NRXN3: variants seen among roughly 807,000 people sequenced by gnomAD.
NRXN3 encodes neurexin 3, also known as neurexin III.
Under a neutral mutation model 137.6 loss-of-function variants are expected in NRXN3, and 32 were observed. That is an observed-to-expected ratio of 0.23 (90% CI 0.18 to 0.31). The LOEUF (loss-of-function observed/expected upper bound fraction) is 0.31. Ranked by LOEUF, NRXN3 falls within the 10% of genes least tolerant of loss-of-function variation. The pLI, the probability that NRXN3 is intolerant of heterozygous loss-of-function variation, is 1.00. For synonymous variants in NRXN3, 798 were observed against 784.5 expected, an observed-to-expected ratio of 1.02 and a Z score of -0.29; for missense variants, 1,574 against 2,062.5, an observed-to-expected ratio of 0.76 and a Z score of 4.59.
rs535251902 is a variant in NRXN3 at position 79,314,749 on chromosome 14, C to G, written c.3263-152472C>G. Among the ~76,000 whole-genome samples the G allele has an allele frequency of 2.1e-4, 31 of 147,198 alleles. No homozygotes were observed. In the East Asian group the frequency reaches 6.2e-3, roughly 29 times the overall value. On this transcript the variant is annotated intron_variant, in intron 15 of 20. Transcript: ENST00000335750. ...GGGCAGACTGCCTCCTCAAGTGGGT[C>G]CCTGACCCCTGACCCCCAAGCAGCC...
intron 10 of NRXN3, among the ~76,000 whole-genome samples, chr14:78,925,310 G>A (rs154429): frequency 0.012 from 1,840 of 152,288 alleles, 41 homozygotes; most frequent in African/African-American, 0.042. Context: ...TGCCCTAGGT[G>A]CAGTGGGCCA....
chr14:78,625,119 C>G (rs561926695), intron 4 of NRXN3, among the ~76,000 whole-genome samples: 2 of 152,184 alleles, frequency 1.3e-5, no homozygotes, highest in Non-Finnish European at 2.9e-5. Context: ...GGATTACAGG[C>G]GTGAGCCACC....
At chr14:79,011,470 A>G (rs1479760949) in intron 15 of NRXN3, among the ~76,000 whole-genome samples, 1 of 150,312 alleles carries the variant, frequency 6.7e-6, no homozygotes, top group Non-Finnish European at 1.5e-5. Flanking sequence ...GATTAAGAGG[A>G]CTATGTCAGT....
At chr14:79,807,916 A>G (rs1007576155) in intron 20 of NRXN3, among the ~76,000 whole-genome samples, 2 of 152,206 alleles carry the variant, frequency 1.3e-5, no homozygotes, top group Admixed American at 6.5e-5. Flanking sequence ...AGATATTCCT[A>G]GTAATGCAGA....
intron 8 of NRXN3, among the ~76,000 whole-genome samples, chr14:78,802,417 A>T (rs1036229639): frequency 6.6e-6 from 1 of 152,172 alleles, no homozygotes; most frequent in Admixed American, 6.5e-5. Context: ...TAGCATTAGG[A>T]GATATACCTA....
At chr14:78,476,422 T>A (rs2095378810) in intron 4 of NRXN3, among the ~76,000 whole-genome samples, 1 of 152,020 alleles carries the variant, frequency 6.6e-6, no homozygotes. Flanking sequence ...ACAGGCCAAG[T>A]GGGGAGGGCA....
At chr14:79,167,316 C>T (rs1223557079) in intron 15 of NRXN3, among the ~76,000 whole-genome samples, 1 of 152,038 alleles carries the variant, frequency 6.6e-6, no homozygotes, top group African/African-American at 2.4e-5. Context: ...TGGATGGTTT[C>T]TTTTCTGATT....
chr14:79,465,986 G>T (rs561796505), intron 15 of NRXN3, among the ~76,000 whole-genome samples: 1 of 152,282 alleles, frequency 6.6e-6, no homozygotes, highest in East Asian at 1.9e-4. Context: ...TATAATTTCT[G>T]AATTACAAAT....
intron 10 of NRXN3, among the ~76,000 whole-genome samples, chr14:78,879,583 G>C (rs2099122708): frequency 6.6e-6 from 1 of 152,070 alleles, no homozygotes; most frequent in South Asian, 2.1e-4. Context: ...TTGTTTACTT[G>C]CTATGAAGTT....
chr14:78,453,383 A>G (rs1598860065), intron 4 of NRXN3, among the ~76,000 whole-genome samples: 5 of 152,316 alleles, frequency 3.3e-5, no homozygotes, highest in Admixed American at 3.3e-4. Context: ...GAAAGGGTGG[A>G]TGATATATGC....
intron 1 of NRXN3, among the ~76,000 whole-genome samples, chr14:78,191,571 C>T (rs997217827): frequency 1.1e-4 from 16 of 152,318 alleles, no homozygotes; most frequent in Middle Eastern, 3.4e-3. Flanking sequence ...TAGCTCCCCA[C>T]CCTGATCTAG....
At chr14:78,349,044 G>T (rs1232181168) in intron 4 of NRXN3, among the ~76,000 whole-genome samples, 1 of 152,222 alleles carries the variant, frequency 6.6e-6, no homozygotes, top group Non-Finnish European at 1.5e-5. Context: ...TTGAAGCGTT[G>T]AGAGCCTATC....
intron 4 of NRXN3, among the ~76,000 whole-genome samples, chr14:78,477,141 T>A (rs750052155): frequency 4.8e-4 from 73 of 152,362 alleles, no homozygotes; most frequent in Non-Finnish European, 9.3e-4. Context: ...GAAGCAATTC[T>A]TTTTGCAGGT....
At chr14:79,294,269 G>A (rs1176587207) in intron 15 of NRXN3, among the ~76,000 whole-genome samples, 1 of 152,122 alleles carries the variant, frequency 6.6e-6, no homozygotes, top group Non-Finnish European at 1.5e-5. Context: ...GGTAAATAAC[G>A]TAGTGTGTTA....
intron 15 of NRXN3, among the ~76,000 whole-genome samples, chr14:79,194,646 T>G (rs1212358487): frequency 2.0e-5 from 3 of 152,180 alleles, no homozygotes; most frequent in Non-Finnish European, 4.4e-5. Context: ...ACCCAAGAGG[T>G]CTCAGTGTCT....
At chr14:78,891,202 G>T (rs879090531) in intron 10 of NRXN3, among the ~76,000 whole-genome samples, 6 of 151,824 alleles carry the variant, frequency 4.0e-5, no homozygotes, top group Admixed American at 2.6e-4. Context: ...GCAGCTTCTT[G>T]GTTGGGCCAA....
At chr14:79,012,134 C>A (rs2099572288) in intron 15 of NRXN3, among the ~76,000 whole-genome samples, 2 of 152,200 alleles carry the variant, frequency 1.3e-5, no homozygotes, top group Admixed American at 1.3e-4. Context: ...TTTATACCTA[C>A]TTCTGAATAC....
At chr14:79,437,147 T>C (rs2095857795) in intron 15 of NRXN3, among the ~76,000 whole-genome samples, 1 of 152,102 alleles carries the variant, frequency 6.6e-6, no homozygotes, top group African/African-American at 2.4e-5. Flanking sequence ...CCCACACCTC[T>C]ACCCCTTGCT....
In NRXN3 at chr14:79,232,305, C is replaced by T. The variant is rs150994852; in HGVS notation, c.3263-234916C>T. 4.4e-3 allele frequency among the ~76,000 whole-genome samples: 676 copies of T among 151,976 alleles called. 9 individuals are homozygous for T. The highest frequency in any genetic ancestry group is 0.014 in the African/African-American group (600 of 41,462). On this transcript the variant is annotated intron_variant, in intron 15 of 20. Coordinates refer to ENST00000335750, the MANE Select transcript of NRXN3 (RefSeq NM_001330195.2). Reference sequence around the variant, plus strand: ...GTGTGTGCGTGCTCCAAGTTCATCCCGATTTCTTTAATCTAGCCTTGTTAA... The same window carrying T: ...GTGTGTGCGTGCTCCAAGTTCATCCTGATTTCTTTAATCTAGCCTTGTTAA...
Sources: gnomAD v4.1 joint callset for allele counts (sites outside exome capture counted in the v4.1 genomes callset) on GRCh38, gnomAD v4.1.1 for gene constraint, MANE v1.5 for transcripts, NCBI Gene and HGNC (gene_info 2026-07-23, HGNC 2026-07-21) for gene names.